FHOD3: variants seen among roughly 807,000 people sequenced by gnomAD.
The protein encoded by FHOD3 is FH1/FH2 domain-containing protein 3.
In FHOD3, 90 loss-of-function variants were observed where a neutral mutation model predicts 173.0. That is an observed-to-expected ratio of 0.52 (90% CI 0.44 to 0.62). The LOEUF (loss-of-function observed/expected upper bound fraction) is 0.62, where lower values mean the gene tolerates loss of function less well. FHOD3 is among the 20% of genes least tolerant of loss of function. The probability of loss-of-function intolerance (pLI) is 0.00; values close to 1 mark genes in which losing one functional copy is unlikely to be tolerated. For synonymous variants in FHOD3, 828 were observed against 823.0 expected (o/e 1.01, Z -0.10); for missense variants, 1,945 against 2,034.7 (o/e 0.96, Z 0.85).
At chr18:36,443,287 G>A (rs909757652) in intron 3 of FHOD3, among the ~76,000 whole-genome samples, 5 of 152,136 alleles carry the variant, frequency 3.3e-5, no homozygotes, top group Non-Finnish European at 7.4e-5. Flanking sequence ...GTAATTTTCT[G>A]TTTCTGTGAT....
At chr18:36,316,316 G>A (rs1413225437) in intron 1 of FHOD3, among the ~76,000 whole-genome samples, 2 of 151,432 alleles carry the variant, frequency 1.3e-5, no homozygotes, top group Admixed American at 1.3e-4. Flanking sequence ...TGCATGCCCA[G>A]GATGGTACTT....
chr18:36,596,091 C>T (rs751791617), intron 7 of FHOD3, among the ~76,000 whole-genome samples: 7 of 152,024 alleles, frequency 4.6e-5, no homozygotes, highest in Non-Finnish European at 1.0e-4. Context: ...CGGGAAGAAA[C>T]GAGGGGCCTA....
chr18:36,308,402 G>T (rs2092159595), intron 1 of FHOD3, among the ~76,000 whole-genome samples: 1 of 152,116 alleles, frequency 6.6e-6, no homozygotes, highest in African/African-American at 2.4e-5. Context: ...ATGAAGCCCA[G>T]CTCCAACCTG....
At chr18:36,495,736 C>T (rs917023422) in intron 3 of FHOD3, among the ~76,000 whole-genome samples, 2 of 152,166 alleles carry the variant, frequency 1.3e-5, no homozygotes, top group East Asian at 1.9e-4. Context: ...GTCATATGTG[C>T]ACATGCCTCT....
intron 2 of FHOD3, among the ~76,000 whole-genome samples, chr18:36,370,927 A>G (rs1397716543): frequency 6.6e-6 from 1 of 152,226 alleles, no homozygotes; most frequent in Non-Finnish European, 1.5e-5. Context: ...CACTTAAATC[A>G]AAACTTTCTT....
intron 7 of FHOD3, among the ~76,000 whole-genome samples, chr18:36,602,332 G>A (rs537655508): frequency 2.0e-4 from 30 of 152,134 alleles, no homozygotes; most frequent in Non-Finnish European, 4.4e-5. Context: ...CTTACCAAGA[G>A]TTTTCTAATC....
At chr18:36,586,528 A>G (rs935910457) in intron 6 of FHOD3, among the ~76,000 whole-genome samples, 1 of 151,336 alleles carries the variant, frequency 6.6e-6, no homozygotes, top group Non-Finnish European at 1.5e-5. Context: ...TCTGTCGCCC[A>G]GGCTGGAGTG....
chr18:36,613,774 A>C, intron 9 of FHOD3, among the ~76,000 whole-genome samples: 1 of 152,088 alleles, frequency 6.6e-6, no homozygotes, highest in East Asian at 1.9e-4. Flanking sequence ...CCTGGGTTCA[A>C]ATGATTCTCC....
intron 3 of FHOD3, among the ~76,000 whole-genome samples, chr18:36,398,506 C>G (rs558253474): frequency 7.2e-5 from 11 of 152,300 alleles, no homozygotes; most frequent in African/African-American, 2.6e-4. Context: ...TGCCGGCACT[C>G]AGTACTGGTT....
At chr18:36,446,253 G>C (rs1036045445) in intron 3 of FHOD3, among the ~76,000 whole-genome samples, 7 of 152,168 alleles carry the variant, frequency 4.6e-5, no homozygotes, top group Admixed American at 1.3e-4. Context: ...CTTCCTCAGT[G>C]CATAAGGGCC....
At chr18:36,356,183 A>G (rs896208888) in intron 2 of FHOD3, among the ~76,000 whole-genome samples, 4 of 152,230 alleles carry the variant, frequency 2.6e-5, no homozygotes, top group African/African-American at 7.2e-5. Context: ...AATTTACTGG[A>G]TAGTTTCTTA....
rs1412959537 is a variant in FHOD3, at chr18:36,760,704, G to C, written c.4546G>C (p.Val1516Leu). 1.2e-6 allele frequency: 2 copies of C among 1,613,310 alleles called. No homozygotes were observed. The highest frequency in any genetic ancestry group is 1.1e-5 in the South Asian group (1 of 91,086). The change falls in exon 27 of 29, where the codon GTG (valine) becomes CTG (leucine). Residue 1516 changes from valine (V) to leucine (L), a missense_variant. By Grantham distance (32) the Val-to-Leu change is conservative (BLOSUM62 1). This residue lies in a region of FHOD3 where 354 missense variants were observed against 359.9 expected (regional missense o/e 0.98). Coordinates refer to ENST00000590592, the MANE Select transcript of FHOD3 (RefSeq NM_001281740.3). ...GGCTGAGCACGAGAACATGAAGGCT[G>C]TGCTGAAAACCTCGTCCCCCTCCGT... The part of the protein sequence containing the change: ...DAAEHENMKA[V>L]LKTSSPSVED...
intron 3 of FHOD3, among the ~76,000 whole-genome samples, chr18:36,417,049 T>TA (rs532674432): frequency 7.2e-5 from 11 of 152,332 alleles, no homozygotes; most frequent in African/African-American, 2.6e-4. Context: ...TTTTTATATA[T>TA]ACACATATTT....
At chr18:36,525,782 G>A (rs1024674102) in intron 5 of FHOD3, among the ~76,000 whole-genome samples, 14 of 152,060 alleles carry the variant, frequency 9.2e-5, no homozygotes, top group Non-Finnish European at 1.2e-4. Flanking sequence ...CTTCTCACAC[G>A]GTCTGTGCAG....
At chr18:36,683,617 A>G (rs990017778) in intron 15 of FHOD3, among the ~76,000 whole-genome samples, 4 of 152,350 alleles carry the variant, frequency 2.6e-5, no homozygotes, top group African/African-American at 9.6e-5. Flanking sequence ...TCAAATCTGG[A>G]CCAAAAGAAC....
chr18:36,337,973 A>G (rs1568140999), intron 1 of FHOD3, among the ~76,000 whole-genome samples: 1 of 152,164 alleles, frequency 6.6e-6, no homozygotes, highest in Non-Finnish European at 1.5e-5. Context: ...GCCCTCAACA[A>G]GTAGAGGTGT....
chr18:36,300,746 T>C (rs1363358173), intron 1 of FHOD3, among the ~76,000 whole-genome samples: 3 of 151,992 alleles, frequency 2.0e-5, no homozygotes, highest in Non-Finnish European at 4.4e-5. Context: ...TTTTTTTCTC[T>C]TTCTTTTTTG....
chr18:36,302,052 A>T (rs2091967994), intron 1 of FHOD3, among the ~76,000 whole-genome samples: 1 of 152,184 alleles, frequency 6.6e-6, no homozygotes, highest in East Asian at 1.9e-4. Flanking sequence ...AGAAGGAGAG[A>T]CCAAGATTGG....
At chr18:36,722,315 C>T (rs2040834263) in intron 19 of FHOD3, among the ~76,000 whole-genome samples, 1 of 152,138 alleles carries the variant, frequency 6.6e-6, no homozygotes, top group African/African-American at 2.4e-5. Context: ...AGTGACTTCC[C>T]AACCCTTGTA....
Sources: gnomAD v4.1 joint callset for allele counts (sites outside exome capture counted in the v4.1 genomes callset) on GRCh38, gnomAD v4.1.1 for gene constraint, gnomAD v4.1.1 regional missense constraint, MANE v1.5 for transcripts, NCBI Gene and HGNC (gene_info 2026-07-23, HGNC 2026-07-21) for gene names.